EML6: variants seen among roughly 807,000 people sequenced by gnomAD.
The protein encoded by EML6 is EMAP like 6.
EML6 carries 154 observed loss-of-function variants against 240.1 expected under a neutral mutation model. The observed-to-expected ratio is 0.64, with a 90% CI of 0.56 to 0.73. The LOEUF (loss-of-function observed/expected upper bound fraction) is 0.73. Ranked by LOEUF, EML6 falls within the 30% of genes least tolerant of loss-of-function variation. The pLI, the probability that EML6 is intolerant of heterozygous loss-of-function variation, is 0.00. For missense variants in EML6, 2,964 were observed against 2,474.6 expected, an observed-to-expected ratio of 1.20 and a Z score of -4.20; for synonymous variants, 1,148 against 899.0, an observed-to-expected ratio of 1.28 and a Z score of -4.95.
In EML6 at chr2:54,926,022, G is replaced by A. The variant is rs76448656; in HGVS notation, c.3676-2291G>A. Among the ~76,000 whole-genome samples the A allele has an allele frequency of 3.7e-3, 564 of 152,306 alleles. 4 individuals are homozygous for A. The highest frequency in any genetic ancestry group is 0.013 in the African/African-American group (541 of 41,572). On this transcript the variant is annotated intron_variant, in intron 26 of 41. Transcript: ENST00000356458. The stretch of plus-strand genomic sequence containing the variant: ...ACAGGGAAACTGAAATGTGAATGTA[G>A]GGGAGAGTGCACAGCTTTCACGAGA...
chr2:54,964,591 T>C lies in EML6; in HGVS notation c.5351T>C (p.Phe1784Ser), dbSNP rs557801362. 121 of 1,552,400 alleles carry C rather than the reference T, an allele frequency of 7.8e-5. No homozygotes were observed. Among genetic ancestry groups the C allele is most frequent in the Middle Eastern group, 3.3e-4 (2 of 5,998 alleles). ...QDIRISPDNR[F>S]LAVGSSEHTV... The stretch of plus-strand genomic sequence containing the variant: ...TCTAGAATCAGCCCAGACAACCGAT[T>C]CTTAGCCGTTGGTTCTTCTGAACAC... The change falls in exon 38 of 42, where the codon TTC becomes TCC. Residue 1784 changes from phenylalanine to serine, a missense_variant. Transcript: ENST00000356458.
intron 2 of EML6, among the ~76,000 whole-genome samples, chr2:54,809,646 T>A (rs2104021954): frequency 6.6e-6 from 1 of 152,318 alleles, no homozygotes; most frequent in African/African-American, 2.4e-5. Flanking sequence ...CCCTGTCATT[T>A]AAAATGCTTC....
At chr2:54,811,791 C>T (rs1209813574) in intron 2 of EML6, among the ~76,000 whole-genome samples, 1 of 152,174 alleles carries the variant, frequency 6.6e-6, no homozygotes, top group African/African-American at 2.4e-5. Flanking sequence ...AGGTGTGTCT[C>T]AACAAAATTG....
chr2:54,924,812 C>G (rs1366019061), intron 26 of EML6, among the ~76,000 whole-genome samples: 1 of 152,156 alleles, frequency 6.6e-6, no homozygotes, highest in Non-Finnish European at 1.5e-5. Context: ...ATCCACCTGC[C>G]TTGGCCTCCC....
At chr2:54,946,328 A>C (rs1473687292) in intron 28 of EML6, among the ~76,000 whole-genome samples, 1 of 151,994 alleles carries the variant, frequency 6.6e-6, no homozygotes, top group Non-Finnish European at 1.5e-5. Flanking sequence ...CTCCCTGCCA[A>C]TGCCGGGTTG....
At chr2:54,948,241 A>G (rs1675789275) in intron 28 of EML6, among the ~76,000 whole-genome samples, 1 of 152,166 alleles carries the variant, frequency 6.6e-6, no homozygotes, top group African/African-American at 2.4e-5. Flanking sequence ...AGGCGGGAAA[A>G]GCAACCTTTG....
At chr2:54,928,914 T>C (rs967655321) in intron 28 of EML6, among the ~76,000 whole-genome samples, 163 bp downstream of exon 28, 1 of 152,192 alleles carries the variant, frequency 6.6e-6, no homozygotes, top group African/African-American at 2.4e-5. Flanking sequence ...GAGAAAAAAT[T>C]GCACAACATC....
chr2:54,953,486 T>C (rs548188820), intron 31 of EML6, among the ~76,000 whole-genome samples: 118 of 152,328 alleles, frequency 7.7e-4, no homozygotes, highest in African/African-American at 2.8e-3. Context: ...TAAATGTCCG[T>C]AGGGCTCTGC....
intron 28 of EML6, among the ~76,000 whole-genome samples, chr2:54,935,002 T>C (rs1675065584): frequency 6.6e-6 from 1 of 152,244 alleles, no homozygotes; most frequent in African/African-American, 2.4e-5. Context: ...AGTTAATTTA[T>C]TATTGGTAGA....
At chr2:54,835,131 G>A (rs193011119) in intron 7 of EML6, among the ~76,000 whole-genome samples, 1 of 152,256 alleles carries the variant, frequency 6.6e-6, no homozygotes, top group Non-Finnish European at 1.5e-5. Context: ...CTCAAATAAA[G>A]CCTATGCTGA....
intron 28 of EML6, among the ~76,000 whole-genome samples, chr2:54,942,052 A>G (rs990318987): frequency 2.0e-5 from 3 of 152,158 alleles, no homozygotes; most frequent in Admixed American, 6.5e-5. Flanking sequence ...ATATGATGCT[A>G]TTTTCATAAA....
At chr2:54,928,861 T>C (rs1223554864) in intron 28 of EML6, 110 bp downstream of exon 28, 1 of 1,311,784 alleles carries the variant, frequency 7.6e-7, no homozygotes, top group South Asian at 1.4e-5. Flanking sequence ...GTCAGTCTTT[T>C]ATAAATCTTC....
At chr2:54,726,535 T>C (rs1479792686) in intron 2 of EML6, among the ~76,000 whole-genome samples, 1 of 152,236 alleles carries the variant, frequency 6.6e-6, no homozygotes. Context: ...ATCTTGACTT[T>C]TTTTGAAGAT....
chr2:54,782,219 A>C (rs1387669837), intron 2 of EML6, among the ~76,000 whole-genome samples: 1 of 152,196 alleles, frequency 6.6e-6, no homozygotes, highest in Non-Finnish European at 1.5e-5. Context: ...CTTCATTGTT[A>C]ATCTTCTTTG....
At chr2:54,818,655 G>A (rs1028682454) in intron 4 of EML6, among the ~76,000 whole-genome samples, 1 of 152,214 alleles carries the variant, frequency 6.6e-6, no homozygotes, top group Non-Finnish European at 1.5e-5. Flanking sequence ...TGGATATCAT[G>A]TGACTTGCCT....
At chr2:54,886,086 C>A (rs1414474775) in intron 17 of EML6, among the ~76,000 whole-genome samples, 1 of 151,122 alleles carries the variant, frequency 6.6e-6, no homozygotes, top group Admixed American at 6.6e-5. Context: ...CCTTCTGTAC[C>A]CATCACCCAA....
chr2:54,730,683 C>T (rs532175760), intron 2 of EML6, among the ~76,000 whole-genome samples: 4 of 152,196 alleles, frequency 2.6e-5, no homozygotes, highest in African/African-American at 7.2e-5. Flanking sequence ...AAGCTTTTGA[C>T]GGAAGCTTAT....
At position 54,739,728 on chromosome 2, in the gene EML6, G is replaced by A. The variant is rs138634651; in HGVS notation, c.197+14470G>A. Among the ~76,000 whole-genome samples, 1,403 of 152,322 alleles carry A rather than the reference G, an allele frequency of 9.2e-3. 24 individuals carry two copies. The highest frequency in any genetic ancestry group is 0.032 in the African/African-American group (1,317 of 41,560). On this transcript the variant is annotated intron_variant, in intron 2 of 41. Coordinates refer to ENST00000356458, the MANE Select transcript of EML6 (RefSeq NM_001039753.4). The stretch of plus-strand genomic sequence containing the variant: ...TACTCCTAGCCCATTCATGGGAGGC[G>A]GTTGGTGGTTAGGGAAGGCTTTCTG...
intron 2 of EML6, among the ~76,000 whole-genome samples, chr2:54,728,171 T>A (rs1373254190): frequency 1.3e-5 from 2 of 152,236 alleles, no homozygotes; most frequent in South Asian, 4.1e-4. Flanking sequence ...ATATTTGCTA[T>A]TGGGCTAACA....
Sources: gnomAD v4.1 joint callset for allele counts (sites outside exome capture counted in the v4.1 genomes callset) on GRCh38, gnomAD v4.1.1 for gene constraint, MANE v1.5 for transcripts, NCBI Gene and HGNC (gene_info 2026-07-23, HGNC 2026-07-21) for gene names.